AK5: variants seen among roughly 807,000 people sequenced by gnomAD.
AK5 encodes adenylate kinase 5, also known as adenylate kinase isoenzyme 5.
AK5 carries 27 observed loss-of-function variants against 69.5 expected under a neutral mutation model. The observed-to-expected ratio is 0.39, with a 90% CI of 0.29 to 0.54. AK5 has a LOEUF of 0.54. Among genes scored for constraint, AK5 ranks in the 20% least tolerant of loss-of-function variants. The pLI, the probability that AK5 is intolerant of heterozygous loss-of-function variation, is 0.71. For missense variants in AK5, 531 were observed against 700.4 expected, an observed-to-expected ratio of 0.76 and a Z score of 2.73; for synonymous variants, 260 against 244.4, an observed-to-expected ratio of 1.06 and a Z score of -0.60.
chr1:77,401,880 AC>A (rs1170219078), intron 6 of AK5, among the ~76,000 whole-genome samples: 2 of 152,194 alleles, frequency 1.3e-5, no homozygotes, highest in Non-Finnish European at 2.9e-5. Context: ...TTGTGAATGA[AC>A]TAGGGAATTT....
chr1:77,407,722 C>CA (rs1330547393), intron 6 of AK5, among the ~76,000 whole-genome samples: 1 of 152,044 alleles, frequency 6.6e-6, no homozygotes, highest in African/African-American at 2.4e-5. Context: ...TGATTGACGC[C>CA]ATCACCCGGG....
chr1:77,440,722 C>A (rs909974411), intron 8 of AK5, among the ~76,000 whole-genome samples: 1 of 151,586 alleles, frequency 6.6e-6, no homozygotes, highest in Non-Finnish European at 1.5e-5. Context: ...TTATAATGGC[C>A]TATATTCAAG....
chr1:77,384,083 G>A (rs964071705), intron 6 of AK5, among the ~76,000 whole-genome samples: 7 of 152,018 alleles, frequency 4.6e-5, no homozygotes, highest in East Asian at 1.9e-4. Flanking sequence ...ATAATAGCAG[G>A]CCCTTATTCT....
chr1:77,345,274 G>A (rs910719722), intron 6 of AK5, among the ~76,000 whole-genome samples: 57 of 152,292 alleles, frequency 3.7e-4, no homozygotes, highest in African/African-American at 1.3e-3. Context: ...GTCACAGGAT[G>A]TATGAAAAGG....
At chr1:77,483,468 T>G in intron 9 of AK5, 109 bp downstream of exon 9, 1 of 912,704 alleles carries the variant, frequency 1.1e-6, no homozygotes, top group Non-Finnish European at 1.8e-6. Context: ...CATCACTTTT[T>G]CCTTGGCCAG....
intron 10 of AK5, 114 bp from the exon 11 acceptor site, chr1:77,518,450 T>C: frequency 9.0e-7 from 1 of 1,107,378 alleles, no homozygotes; most frequent in Non-Finnish European, 1.3e-6. Context: ...AAATCTCAAG[T>C]TCCCAATACA....
At chr1:77,290,440 TG>T (rs1200581883) in intron 2 of AK5, among the ~76,000 whole-genome samples, 1 of 152,206 alleles carries the variant, frequency 6.6e-6, no homozygotes, top group African/African-American at 2.4e-5. Context: ...TTCTGTGAAA[TG>T]AAACATTTTC....
intron 5 of AK5, among the ~76,000 whole-genome samples, chr1:77,325,494 A>C (rs944640602): frequency 6.6e-6 from 1 of 152,114 alleles, no homozygotes; most frequent in African/African-American, 2.4e-5. Context: ...TTTTACGGGA[A>C]AAGCAGAGTC....
At chr1:77,318,139 G>A (rs143666756) in intron 5 of AK5, among the ~76,000 whole-genome samples, 27 of 152,268 alleles carry the variant, frequency 1.8e-4, no homozygotes, top group African/African-American at 6.5e-4. Context: ...TAGAAAAGAA[G>A]TTTAAGTGGC....
At chr1:77,478,721 T>C (rs1400196297) in intron 8 of AK5, among the ~76,000 whole-genome samples, 2 of 152,204 alleles carry the variant, frequency 1.3e-5, no homozygotes, top group Admixed American at 6.5e-5. Flanking sequence ...TTTCTTAAAA[T>C]TGGTGAACCC....
At chr1:77,391,947 A>C (rs1284720875) in intron 6 of AK5, among the ~76,000 whole-genome samples, 1 of 152,190 alleles carries the variant, frequency 6.6e-6, no homozygotes, top group Non-Finnish European at 1.5e-5. Context: ...TCCTTTTAAA[A>C]GATAGAATTA....
intron 5 of AK5, among the ~76,000 whole-genome samples, chr1:77,313,255 T>G (rs1379461235): frequency 6.6e-6 from 1 of 152,084 alleles, no homozygotes; most frequent in East Asian, 1.9e-4. Context: ...AAACCAAGGC[T>G]CAGATGATAA....
At chr1:77,368,242 T>TATATATATATATGTA (rs1647042582) in intron 6 of AK5, among the ~76,000 whole-genome samples, 1 of 12,716 alleles carries the variant, frequency 7.9e-5, no homozygotes, top group Non-Finnish European at 2.3e-4. Flanking sequence ...TATATATATA[T>TATATATATATATGTA]ATATATATAT....
intron 6 of AK5, among the ~76,000 whole-genome samples, chr1:77,343,205 G>A (rs1477440820): frequency 1.3e-5 from 2 of 152,092 alleles, no homozygotes; most frequent in African/African-American, 4.8e-5. Flanking sequence ...TCCCTGTGGT[G>A]AATAAAATAG....
At chr1:77,434,053 T>C (rs549115502) in intron 8 of AK5, among the ~76,000 whole-genome samples, 7 of 150,570 alleles carry the variant, frequency 4.6e-5, no homozygotes, top group Non-Finnish European at 1.0e-4. Context: ...GACAAAAAGA[T>C]AGAAAACAAC....
chr1:77,288,005 A>G (rs1014082246), intron 2 of AK5, among the ~76,000 whole-genome samples: 1 of 152,228 alleles, frequency 6.6e-6, no homozygotes, highest in African/African-American at 2.4e-5. Flanking sequence ...CTCAGGCCAT[A>G]TTTAGTTCAC....
At chr1:77,406,452 C>G (rs1033700862) in intron 6 of AK5, among the ~76,000 whole-genome samples, 1 of 152,006 alleles carries the variant, frequency 6.6e-6, no homozygotes, top group Non-Finnish European at 1.5e-5. Context: ...GAGAGATACA[C>G]AGTTGACTCT....
At chr1:77,340,734 G>A (rs952878321) in intron 6 of AK5, 166 bp downstream of exon 6, 2 of 445,122 alleles carry the variant, frequency 4.5e-6, no homozygotes, top group Non-Finnish European at 7.3e-6. Context: ...GCCTTTTTAA[G>A]CCATCATGTT....
chr1:77,484,328 G>A (rs1482383618), intron 9 of AK5, among the ~76,000 whole-genome samples: 1 of 152,048 alleles, frequency 6.6e-6, no homozygotes, highest in Non-Finnish European at 1.5e-5. Flanking sequence ...TGTAATAAAA[G>A]TTATAATATA....
Sources: gnomAD v4.1 joint callset for allele counts (sites outside exome capture counted in the v4.1 genomes callset) on GRCh38, gnomAD v4.1.1 for gene constraint, MANE v1.5 for transcripts, NCBI Gene and HGNC (gene_info 2026-07-23, HGNC 2026-07-21) for gene names.